Variants in HOMER1 observed in about 807,000 individuals in gnomAD.
HOMER1 encodes homer scaffold protein 1.
HOMER1 carries 3 observed loss-of-function variants against 48.9 expected under a neutral mutation model. The ratio of observed to expected loss-of-function variants is 0.06; its 90% CI spans 0.03 to 0.16. The LOEUF (loss-of-function observed/expected upper bound fraction) is 0.16. Ranked by LOEUF, HOMER1 falls within the 10% of genes least tolerant of loss-of-function variation. HOMER1 has a pLI of 1.00. For missense variants in HOMER1, 247 were observed against 411.4 expected (o/e 0.60, Z 3.46); for synonymous variants, 134 against 146.4 (o/e 0.92, Z 0.61).
At chr5:79,503,566 T>C (rs1032229868) in intron 1 of HOMER1, among the ~76,000 whole-genome samples, 1 of 136,696 alleles carries the variant, frequency 7.3e-6, no homozygotes, top group Non-Finnish European at 1.6e-5. Context: ...AGAGGCCAGG[T>C]GCCATGGCTC....
chr5:79,446,555 A>G (rs1442211632), intron 4 of HOMER1, among the ~76,000 whole-genome samples: 1 of 152,192 alleles, frequency 6.6e-6, no homozygotes, highest in African/African-American at 2.4e-5. Context: ...CTAAACTGAA[A>G]TTTTGATTAC....
intron 8 of HOMER1, among the ~76,000 whole-genome samples, chr5:79,385,029 C>G (rs964943003): frequency 6.6e-6 from 1 of 152,148 alleles, no homozygotes; most frequent in Admixed American, 6.5e-5. Flanking sequence ...CCACAACTAA[C>G]ATCATAGTGA....
chr5:79,414,374 TA>T (rs1749888900), intron 5 of HOMER1, among the ~76,000 whole-genome samples: 1 of 151,160 alleles, frequency 6.6e-6, no homozygotes, highest in East Asian at 1.9e-4. Flanking sequence ...CCTGGCCTGT[TA>T]TTCGCCTGGC....
At chr5:79,403,975 T>C (rs888728409) in intron 5 of HOMER1, among the ~76,000 whole-genome samples, 2 of 152,234 alleles carry the variant, frequency 1.3e-5, no homozygotes, top group Non-Finnish European at 2.9e-5. Context: ...TCTTCCTTTG[T>C]GAAATGATTT....
chr5:79,454,387 C>A (rs1751107956), intron 2 of HOMER1, among the ~76,000 whole-genome samples: 1 of 151,690 alleles, frequency 6.6e-6, no homozygotes, highest in African/African-American at 2.4e-5. Context: ...ATAAAGGAGG[C>A]ACGTTATCTG....
At chr5:79,404,300 G>A (rs901384462) in intron 5 of HOMER1, among the ~76,000 whole-genome samples, 4 of 152,108 alleles carry the variant, frequency 2.6e-5, no homozygotes, top group Non-Finnish European at 4.4e-5. Context: ...TTTAAAATGA[G>A]GGTGTTTTTC....
chr5:79,455,478 C>T (rs545329242), intron 2 of HOMER1, among the ~76,000 whole-genome samples: 67 of 152,302 alleles, frequency 4.4e-4, no homozygotes, highest in Middle Eastern at 3.4e-3. Context: ...CTCTCTCCTG[C>T]CGCCCTGTGA....
chr5:79,500,137 C>A (rs1034392729), intron 1 of HOMER1, among the ~76,000 whole-genome samples: 1 of 152,164 alleles, frequency 6.6e-6, no homozygotes. Context: ...GAAACTATCT[C>A]TGTAGCTATA....
At chr5:79,427,289 T>C (rs1750283161) in intron 5 of HOMER1, among the ~76,000 whole-genome samples, 1 of 152,196 alleles carries the variant, frequency 6.6e-6, no homozygotes. Flanking sequence ...TTGAAATGAA[T>C]AATTTTTAGA....
Position 79,512,961 on chromosome 5 carries a change from A to G in HOMER1, c.-187T>C. 1.7e-6 allele frequency: 1 copy of G among 603,628 alleles called. No individual in the cohort carries two copies. Among genetic ancestry groups the G allele is most frequent in the South Asian group, 2.0e-5 (1 of 50,270 alleles). 37.4% of individuals were successfully genotyped at this position (603,628 alleles called of 1,614,324 possible). A position where few individuals can be genotyped will look rare whatever the true frequency, so the allele number is the denominator to read the frequency against. Reference sequence around the variant, plus strand: ...TAGGTAAAATGATTTCTCTCTTGTAAATACCAAAACGTTCAAACAGAGGCG... The same window carrying G: ...TAGGTAAAATGATTTCTCTCTTGTAGATACCAAAACGTTCAAACAGAGGCG... On this transcript the variant is annotated 5_prime_UTR_variant, in exon 1 of 9. Transcript: ENST00000334082.
chr5:79,499,025 G>A (rs909834886), intron 1 of HOMER1, among the ~76,000 whole-genome samples: 9 of 151,818 alleles, frequency 5.9e-5, no homozygotes, highest in Admixed American at 2.0e-4. Flanking sequence ...TAGTAGAGAC[G>A]GGGTTTCACT....
Position 79,391,939 on chromosome 5 carries a change from G to A in HOMER1, c.876+4884C>T, listed in dbSNP as rs148135967. Among the ~76,000 whole-genome samples, 16 of 152,088 alleles carry A rather than the reference G, an allele frequency of 1.1e-4. 1 individual carries two copies. The highest frequency in any genetic ancestry group is 3.6e-4 in the African/African-American group (15 of 41,498). ...ACCATGAACAGCATATGCAACAGTG[G>A]TCCCATAAGATTATAAGGGAGCTGA... On this transcript the variant is annotated intron_variant, in intron 8 of 8. Transcript: ENST00000334082.
Position 79,445,695 on chromosome 5 carries a change from G to A in HOMER1, c.387+1358C>T, listed in dbSNP as rs553998709. Among the ~76,000 whole-genome samples the A allele has an allele frequency of 4.6e-5, 7 of 152,242 alleles. No individual in the cohort carries two copies. In the South Asian group the frequency reaches 6.2e-4, roughly 14 times the overall value. ...AGCATTTTGGGAGGCCAAGGCAGGCGGATCACTTGAGGCCAGGGAGACCAG... is the reference window on the plus strand; with the variant it reads ...AGCATTTTGGGAGGCCAAGGCAGGCAGATCACTTGAGGCCAGGGAGACCAG... On this transcript the variant is annotated intron_variant, in intron 4 of 8. Coordinates refer to ENST00000334082, the MANE Select transcript of HOMER1 (RefSeq NM_004272.5).
intron 1 of HOMER1, chr5:79,510,561 T>C (rs1752912666): frequency 3.9e-6 from 3 of 761,130 alleles, no homozygotes; most frequent in Non-Finnish European, 7.1e-6. Context: ...CTGAGGAACA[T>C]GCAGTTTGCC....
intron 1 of HOMER1, among the ~76,000 whole-genome samples, chr5:79,471,269 A>T (rs534722876): frequency 6.6e-6 from 1 of 152,168 alleles, no homozygotes; most frequent in Non-Finnish European, 1.5e-5. Flanking sequence ...GGAGGCCAGG[A>T]GCGGTGGCTC....
intron 8 of HOMER1, among the ~76,000 whole-genome samples, chr5:79,386,779 A>C (rs939523179): frequency 6.6e-6 from 1 of 152,224 alleles, no homozygotes; most frequent in African/African-American, 2.4e-5. Flanking sequence ...AGGCAAAAAC[A>C]AAGTATAAAA....
chr5:79,379,469 T>C (rs1407535353), intron 8 of HOMER1, among the ~76,000 whole-genome samples: 1 of 114,720 alleles, frequency 8.7e-6, no homozygotes, highest in Non-Finnish European at 1.7e-5. Context: ...ATATATATTT[T>C]ATATATAAAT....
chr5:79,451,605 G>A (rs376182111), intron 2 of HOMER1, among the ~76,000 whole-genome samples: 9 of 112,984 alleles, frequency 8.0e-5, no homozygotes, highest in Admixed American at 2.7e-4. Context: ...TTGCTCTGTC[G>A]CCCAGGCTGG....
chr5:79,512,810 C>T lies in HOMER1; in HGVS notation c.-36G>A. On this transcript the variant is annotated 5_prime_UTR_variant, in exon 1 of 9. Transcript: ENST00000334082. The stretch of plus-strand genomic sequence containing the variant: ...GAAAACTTGCTCTGAAGTTTCAGCT[C>T]TTATGCTACGGAATAACTTCCAAAG... 6.2e-7 allele frequency: 1 copy of T among 1,610,948 alleles called. No homozygotes were observed. Among genetic ancestry groups the T allele is most frequent in the Non-Finnish European group, 8.5e-7 (1 of 1,177,262 alleles).
Sources: gnomAD v4.1 joint callset for allele counts (sites outside exome capture counted in the v4.1 genomes callset) on GRCh38, gnomAD v4.1.1 for gene constraint, MANE v1.5 for transcripts, NCBI Gene and HGNC (gene_info 2026-07-23, HGNC 2026-07-21) for gene names.